CCDC33: variants seen among roughly 807,000 people sequenced by gnomAD.
The protein encoded by CCDC33 is coiled-coil domain-containing protein 33.
In CCDC33, 94 loss-of-function variants were observed where a neutral mutation model predicts 91.9. The ratio of observed to expected loss-of-function variants is 1.02; its 90% confidence interval spans 0.87 to 1.21. The LOEUF is 1.21. CCDC33 is among the 50% of genes most tolerant of loss of function. The pLI, the probability that CCDC33 is intolerant of heterozygous loss-of-function variation, is 0.00. For missense variants in CCDC33, 940 were observed against 935.5 expected, an observed-to-expected ratio of 1.00 and a Z score of -0.06; for synonymous variants, 396 against 374.5, an observed-to-expected ratio of 1.06 and a Z score of -0.66.
At chr15:74,310,556 A>G (rs557880725) in intron 11 of CCDC33, among the ~76,000 whole-genome samples, 8 of 151,800 alleles carry the variant, frequency 5.3e-5, no homozygotes, top group African/African-American at 1.9e-4. Flanking sequence ...AAAAAAAAGA[A>G]ATTTGAATTT....
At position 74,244,154 on chromosome 15, in the gene CCDC33, T is replaced by C; in HGVS notation, c.185+6T>C. On this transcript the variant is annotated splice_donor_region_variant and intron_variant, in intron 2 of 18. Coordinates refer to ENST00000398814, the MANE Select transcript of CCDC33 (RefSeq NM_025055.5). The surrounding 1 kb of genome is among the most constrained non-coding windows in gnomAD (Gnocchi z 4.2). ...CCGTGGCCCTATGTGGTGGTGTAAGTAGCTGCGTGAGAGTGGGGGCAGGGG... is the reference window on the plus strand; with the variant it reads ...CCGTGGCCCTATGTGGTGGTGTAAGCAGCTGCGTGAGAGTGGGGGCAGGGG... The C allele has an allele frequency of 6.2e-7, 1 of 1,605,664 alleles. No individual in the cohort carries two copies. The highest frequency in any genetic ancestry group is 1.1e-5 in the South Asian group (1 of 90,368).
At position 74,277,564 on chromosome 15, in the gene CCDC33, C is replaced by T. The variant is rs774580315; in HGVS notation, c.760-2399C>T. ...TGGCCCTTCCATTAGCATCTGCAGG[C>T]GATGCCTGCCTCTCCCCGCCCCCAT... On this transcript the variant is annotated intron_variant, in intron 7 of 18. Transcript: ENST00000398814. Among the ~76,000 whole-genome samples the T allele has an allele frequency of 1.1e-4, 16 of 152,346 alleles. No individual in the cohort carries two copies. In the South Asian group the frequency reaches 1.2e-3, roughly 12 times the overall value.
intron 11 of CCDC33, among the ~76,000 whole-genome samples, chr15:74,307,566 A>G (rs1448306799): frequency 2.0e-5 from 3 of 152,128 alleles, no homozygotes; most frequent in Admixed American, 6.5e-5. Context: ...GGAAGTCAGG[A>G]GCCTGGTGAG....
At chr15:74,219,758 C>T (rs2074540761) in intron 2 of CCDC33, among the ~76,000 whole-genome samples, 1 of 152,170 alleles carries the variant, frequency 6.6e-6, no homozygotes, top group African/African-American at 2.4e-5. Flanking sequence ...TAAATGCTAA[C>T]TCCGCCGACT....
At chr15:74,314,046 C>T (rs1567025163) in intron 11 of CCDC33, among the ~76,000 whole-genome samples, 1 of 152,224 alleles carries the variant, frequency 6.6e-6, no homozygotes, top group Non-Finnish European at 1.5e-5. Flanking sequence ...GTTCCCTGTG[C>T]TAGGACTGTG....
chr15:74,214,138 C>T (rs62003661), upstream of CCDC33, among the ~76,000 whole-genome samples: 20,636 of 148,952 alleles, frequency 0.14, 1,956 homozygotes, highest in Non-Finnish European at 0.21. Context: ...GGTGTGTCAG[C>T]GGGGGAGGTT....
intron 11 of CCDC33, among the ~76,000 whole-genome samples, chr15:74,313,751 G>A (rs1215905690): frequency 6.6e-6 from 1 of 152,108 alleles, no homozygotes; most frequent in African/African-American, 2.4e-5. Context: ...CCCTGTCTGG[G>A]CTCTGGGTCC....
intron 2 of CCDC33, among the ~76,000 whole-genome samples, chr15:74,230,757 C>T (rs2074945946): frequency 6.6e-6 from 1 of 152,180 alleles, no homozygotes; most frequent in African/African-American, 2.4e-5. Context: ...CATGTGAAGG[C>T]ATCCATTCTC....
chr15:74,291,728 T>C (rs1008358741), intron 10 of CCDC33, among the ~76,000 whole-genome samples: 8 of 152,096 alleles, frequency 5.3e-5, no homozygotes, highest in African/African-American at 1.2e-4. Flanking sequence ...TTTTGCATGA[T>C]TGGGGATCTA....
Position 74,223,723 on chromosome 15 carries a change from TACACACACAC to T in CCDC33, c.675+4895_675+4904del, listed in dbSNP as rs55820464. 2.5e-3 allele frequency among the ~76,000 whole-genome samples: 279 copies of T among 112,264 alleles called. 2 individuals carry two copies. The highest frequency in any genetic ancestry group is 6.5e-3 in the African/African-American group (206 of 31,468). The allele number at this position is 112,264 out of a possible 152,430, so 73.6% of individuals were successfully genotyped here. Reference sequence around the variant, plus strand: ...GCTGAGGCTGTGCCCACCGCCAGCATACACACACACACACACACACACACACACACACACA... The same window carrying T: ...GCTGAGGCTGTGCCCACCGCCAGCATACACACACACACACACACACACACA... On this transcript the variant is annotated intron_variant, in intron 2 of 2. Coordinates refer to the CCDC33 transcript ENST00000635913.
intron 10 of CCDC33, among the ~76,000 whole-genome samples, chr15:74,289,946 C>T (rs1454824658): frequency 6.6e-6 from 1 of 152,182 alleles, no homozygotes; most frequent in African/African-American, 2.4e-5. Flanking sequence ...TCTGCTCTCC[C>T]TGTGAGCCCA....
At chr15:74,315,803 G>T (rs1390972398) in intron 11 of CCDC33, among the ~76,000 whole-genome samples, 1 of 152,190 alleles carries the variant, frequency 6.6e-6, no homozygotes, top group African/African-American at 2.4e-5. Flanking sequence ...GAAGTGGCTG[G>T]CGTGGGAGTG....
intron 13 of CCDC33, 110 bp from the exon 14 acceptor site, chr15:74,330,871 G>A (rs1323331147): frequency 1.3e-6 from 2 of 1,515,440 alleles, no homozygotes; most frequent in Non-Finnish European, 1.8e-6. Context: ...CGGAAGAAAG[G>A]GGGACCAGCC....
At position 74,333,057 on chromosome 15, in the gene CCDC33, C is replaced by T. The variant is rs1051652177; in HGVS notation, c.1938+212C>T. 2.0e-5 allele frequency: 15 copies of T among 753,522 alleles called. No homozygotes were observed. In the Admixed American group the frequency reaches 2.9e-4, roughly 15 times the overall value. 46.7% of individuals were successfully genotyped at this position (753,522 alleles called of 1,614,324 possible). A position where few individuals can be genotyped will look rare whatever the true frequency, so the allele number is the denominator to read the frequency against. Reference sequence around the variant, plus strand: ...ACACTTCACCTTTAACCTCATCTAGCATCCCAGGAGAAAGCAAGCCCCTTG... The same window carrying T: ...ACACTTCACCTTTAACCTCATCTAGTATCCCAGGAGAAAGCAAGCCCCTTG... On this transcript the variant is annotated intron_variant, in intron 16 of 18. Coordinates refer to ENST00000398814, the MANE Select transcript of CCDC33 (RefSeq NM_025055.5).
chr15:74,318,760 A>G, intron 11 of CCDC33: 1 of 672,616 alleles, frequency 1.5e-6, no homozygotes, highest in Non-Finnish European at 2.7e-6. Context: ...AGGTGTTCCC[A>G]GAGCCTCTTA....
intron 1 of CCDC33, chr15:74,207,624 C>T (rs2074288869): frequency 7.1e-7 from 1 of 1,406,908 alleles, no homozygotes; most frequent in Admixed American, 2.0e-5. Flanking sequence ...AGGTACACCC[C>T]CAACTTCGAT....
chr15:74,309,082 C>T (rs187794538), intron 11 of CCDC33, among the ~76,000 whole-genome samples: 46 of 152,206 alleles, frequency 3.0e-4, no homozygotes, highest in African/African-American at 1.0e-3. Flanking sequence ...CCTCAGCCTT[C>T]CTCCTCCTAA....
chr15:74,277,327 A>G (rs976273559), intron 7 of CCDC33, among the ~76,000 whole-genome samples: 2 of 152,080 alleles, frequency 1.3e-5, no homozygotes, highest in African/African-American at 2.4e-5. Context: ...CCCAGCAGCT[A>G]CTCCTCCAGA....
At chr15:74,334,805 C>A (rs919527346) in intron 17 of CCDC33, among the ~76,000 whole-genome samples, 170 bp from the exon 18 acceptor site, 3 of 152,120 alleles carry the variant, frequency 2.0e-5, no homozygotes, top group Admixed American at 6.5e-5. Context: ...GACTGTTTGG[C>A]CCCCTCACCC....
Sources: gnomAD v4.1 joint callset for allele counts (sites outside exome capture counted in the v4.1 genomes callset) on GRCh38, gnomAD v4.1.1 for gene constraint, Gnocchi (gnomAD v3.1) non-coding constraint, MANE v1.5 for transcripts, NCBI Gene and HGNC (gene_info 2026-07-23, HGNC 2026-07-21) for gene names.